The following FOCAD variants were observed in gnomAD, a reference collection of about 807,000 sequenced individuals.
FOCAD encodes the protein focadhesin.
In FOCAD, 198 loss-of-function variants were observed where a neutral mutation model predicts 225.6. The ratio of observed to expected loss-of-function variants is 0.88; its 90% CI spans 0.78 to 0.99. FOCAD has a LOEUF of 0.99. FOCAD is among the 50% of genes least tolerant of loss of function. FOCAD has a pLI of 0.00. For missense variants in FOCAD, 2,713 were observed against 2,123.6 expected (o/e 1.28, Z -5.46); for synonymous variants, 897 against 755.0 (o/e 1.19, Z -3.08).
chr9:20,678,613 C>T (rs1822305826), intron 2 of FOCAD, among the ~76,000 whole-genome samples: 2 of 152,188 alleles, frequency 1.3e-5, no homozygotes, highest in South Asian at 4.1e-4. Flanking sequence ...CCTATAACTG[C>T]AGCACAGGCT....
At chr9:20,939,457 C>T (rs1378296061) in intron 28 of FOCAD, among the ~76,000 whole-genome samples, 1 of 152,060 alleles carries the variant, frequency 6.6e-6, no homozygotes, top group African/African-American at 2.4e-5. Flanking sequence ...GATTAAGATG[C>T]CGCCAACTTT....
At chr9:20,736,752 A>G (rs1013644137) in intron 4 of FOCAD, among the ~76,000 whole-genome samples, 2 of 152,164 alleles carry the variant, frequency 1.3e-5, no homozygotes, top group African/African-American at 4.8e-5. Flanking sequence ...AAAACAACGT[A>G]AGAGATGGGC....
In FOCAD at chr9:20,853,726, ATC is replaced by A. The variant is rs574031885; in HGVS notation, c.1921-8850_1921-8849del. 1.3e-3 allele frequency among the ~76,000 whole-genome samples: 205 copies of A among 151,934 alleles called. No individual in the cohort carries two copies. In the Middle Eastern group the frequency reaches 0.017, roughly 13 times the overall value. The stretch of plus-strand genomic sequence containing the variant: ...TTTAAAAAGGTACCTCAATATCTAT[ATC>A]TGTTTGTTTCTTTTTTCCCTACAAT... On this transcript the variant is annotated intron_variant, in intron 15 of 43. Transcript: ENST00000338382.
chr9:20,815,116 T>C (rs1239610478), intron 11 of FOCAD, among the ~76,000 whole-genome samples: 1 of 138,666 alleles, frequency 7.2e-6, no homozygotes, highest in Admixed American at 7.8e-5. Context: ...TATCATTACT[T>C]CTCTTTGTTT....
intron 28 of FOCAD, among the ~76,000 whole-genome samples, chr9:20,943,509 G>GAGCA (rs1564185600): frequency 6.6e-6 from 1 of 152,114 alleles, no homozygotes; most frequent in African/African-American, 2.4e-5. Flanking sequence ...GTGTGACCTT[G>GAGCA]AGCAAATCCT....
At chr9:20,809,434 AATCAAATTGATTAATTTAATTCAATTG>A (rs1822810356) in intron 11 of FOCAD, among the ~76,000 whole-genome samples, 1 of 152,186 alleles carries the variant, frequency 6.6e-6, no homozygotes, top group Non-Finnish European at 1.5e-5. Context: ...AATTTAAATT[AATCAAATTGATTAATTTAATTCAATTG>A]ATCAATCAAA....
At chr9:20,957,127 G>C (rs752167665) in intron 35 of FOCAD, among the ~76,000 whole-genome samples, 19 of 152,272 alleles carry the variant, frequency 1.2e-4, no homozygotes, top group African/African-American at 4.3e-4. Context: ...GCGGTGGCAC[G>C]ATCATGGCTT....
At chr9:20,823,807 TAA>T (rs1824586721) in intron 15 of FOCAD, among the ~76,000 whole-genome samples, 1 of 152,138 alleles carries the variant, frequency 6.6e-6, no homozygotes, top group Admixed American at 6.6e-5. Context: ...TTATGGTTGA[TAA>T]TGATAGTAAT....
intron 35 of FOCAD, among the ~76,000 whole-genome samples, chr9:20,963,844 G>A (rs553567708): frequency 1.3e-5 from 2 of 152,252 alleles, no homozygotes; most frequent in African/African-American, 4.8e-5. Flanking sequence ...TCCTATCACA[G>A]CATTTTTTTA....
upstream of FOCAD, among the ~76,000 whole-genome samples, chr9:20,656,726 T>G (rs1821488988): frequency 6.6e-6 from 1 of 152,208 alleles, no homozygotes; most frequent in Non-Finnish European, 1.5e-5. Context: ...CTTGACTGTT[T>G]ATCCAATTTG....
At chr9:20,839,798 T>A (rs112304804) in intron 15 of FOCAD, among the ~76,000 whole-genome samples, 95 of 152,202 alleles carry the variant, frequency 6.2e-4, no homozygotes, top group South Asian at 4.4e-3. Context: ...TTCTTTGTGT[T>A]ATGAACATTC....
chr9:20,964,524 A>T (rs1397401870), intron 35 of FOCAD, among the ~76,000 whole-genome samples: 1 of 152,148 alleles, frequency 6.6e-6, no homozygotes, highest in African/African-American at 2.4e-5. Context: ...GAAGAGTGGC[A>T]GGTGTGTTGA....
chr9:20,845,642 G>T (rs920644018), intron 15 of FOCAD, among the ~76,000 whole-genome samples: 1 of 151,724 alleles, frequency 6.6e-6, no homozygotes, highest in African/African-American at 2.4e-5. Context: ...TAAATTTTTA[G>T]AAATGGGGCT....
In FOCAD at chr9:20,951,108, A is replaced by G. The variant is rs1837648551; in HGVS notation, c.4051+10A>G. 1 of 1,603,444 alleles carries G rather than the reference A, an allele frequency of 6.2e-7. No individual in the cohort carries two copies. Among genetic ancestry groups the G allele is most frequent in the African/African-American group, 1.3e-5 (1 of 74,706 alleles). On this transcript the variant is annotated intron_variant, in intron 34 of 43. Transcript: ENST00000338382. ...CAAAGTAGAGCCTCTGGTAAGATTA[A>G]AGTCATAAAATACTGGAGCTGGAAG...
chr9:20,922,017 C>A (rs1186628660), intron 24 of FOCAD, among the ~76,000 whole-genome samples: 1 of 151,982 alleles, frequency 6.6e-6, no homozygotes, highest in Non-Finnish European at 1.5e-5. Context: ...GGATTCATGA[C>A]CATTTTGCAG....
chr9:20,981,453 T>C lies in FOCAD; in HGVS notation c.4405T>C (p.Ser1469Pro). Reference sequence around the variant, plus strand: ...GAATACCAAGAGATATCTCCTGATATCTGCACCTCTGTGGATAAAACACAT... The same window carrying C: ...GAATACCAAGAGATATCTCCTGATACCTGCACCTCTGTGGATAAAACACAT... ...SLNTKRYLLI[S>P]APLWIKHISD... The change falls in exon 38 of 44, where the codon TCT becomes CCT. Residue 1469 changes from serine to proline, a missense_variant. Coordinates refer to ENST00000338382, the MANE Select transcript of FOCAD (RefSeq NM_001375567.1). The C allele has an allele frequency of 1.2e-6, 2 of 1,614,146 alleles. No individual in the cohort carries two copies. Among genetic ancestry groups the C allele is most frequent in the Non-Finnish European group, 8.5e-7 (1 of 1,179,994 alleles).
At position 20,844,463 on chromosome 9, in the gene FOCAD, C is replaced by T. The variant is rs142586813; in HGVS notation, c.1921-18115C>T. ...GCAACCTCTGCCTCCCAAGTTTAAG[C>T]GATTCTCCTGCCTCAGCCTCCCGAG... On this transcript the variant is annotated intron_variant, in intron 15 of 43. Coordinates refer to ENST00000338382, the MANE Select transcript of FOCAD (RefSeq NM_001375567.1). 7.5e-3 allele frequency among the ~76,000 whole-genome samples: 1,021 copies of T among 136,994 alleles called. 5 individuals carry two copies. Among genetic ancestry groups the T allele is most frequent in the Non-Finnish European group, 0.01 (657 of 65,504 alleles). The allele number at this position is 136,994 out of a possible 152,430, so 89.9% of individuals were successfully genotyped here.
At chr9:20,801,589 A>G (rs916515059) in intron 11 of FOCAD, among the ~76,000 whole-genome samples, 6 of 152,110 alleles carry the variant, frequency 3.9e-5, no homozygotes, top group Non-Finnish European at 4.4e-5. Flanking sequence ...AATAGGGGCC[A>G]TTTTTTATTT....
chr9:20,755,391 G>A (rs1032178164), intron 5 of FOCAD, among the ~76,000 whole-genome samples: 2 of 152,020 alleles, frequency 1.3e-5, no homozygotes, highest in East Asian at 1.9e-4. Context: ...TGGCTCCCTC[G>A]GTATGCATAA....
Sources: allele counts gnomAD v4.1 joint callset (sites outside exome capture counted in the v4.1 genomes callset), GRCh38; gene constraint gnomAD v4.1.1; transcripts MANE v1.5; gene names NCBI Gene and HGNC (gene_info 2026-07-23, HGNC 2026-07-21).